Variants in GRID2 observed in about 807,000 individuals in gnomAD.
GRID2 encodes glutamate receptor ionotropic, delta-2.
GRID2 carries 33 observed loss-of-function variants against 114.8 expected under a neutral mutation model. That is an observed-to-expected ratio of 0.29 (90% CI 0.22 to 0.38). GRID2 has a LOEUF of 0.38. GRID2 is among the 10% of genes least tolerant of loss of function. The pLI is 1.00. For synonymous variants in GRID2, 505 were observed against 449.9 expected, an observed-to-expected ratio of 1.12 and a Z score of -1.55; for missense variants, 1,184 against 1,257.7, an observed-to-expected ratio of 0.94 and a Z score of 0.89.
At chr4:92,637,105 T>G (rs1731101528) in intron 2 of GRID2, among the ~76,000 whole-genome samples, 1 of 151,992 alleles carries the variant, frequency 6.6e-6, no homozygotes, top group Admixed American at 6.6e-5. Flanking sequence ...ATTACACAAA[T>G]AAGGAATTAT....
rs189437420 is a variant in GRID2, at chr4:92,719,452, C to T, written c.244+129166C>T. Reference sequence around the variant, plus strand: ...ATGCTACAATGGTTTAATTAATGATCGTTACTCTTTCATCCTCATCTTTAT... The same window carrying T: ...ATGCTACAATGGTTTAATTAATGATTGTTACTCTTTCATCCTCATCTTTAT... On this transcript the variant is annotated intron_variant, in intron 2 of 15. Transcript: ENST00000282020. Among the ~76,000 whole-genome samples, 468 of 152,226 alleles carry T rather than the reference C, an allele frequency of 3.1e-3. 1 individual carries two copies. The highest frequency in any genetic ancestry group is 4.6e-3 in the Non-Finnish European group (316 of 68,004).
intron 8 of GRID2, among the ~76,000 whole-genome samples, chr4:93,292,042 A>G (rs1753812173): frequency 6.6e-6 from 1 of 152,178 alleles, no homozygotes; most frequent in African/African-American, 2.4e-5. Flanking sequence ...GCACCATGTG[A>G]TATGATGGTG....
intron 13 of GRID2, among the ~76,000 whole-genome samples, chr4:93,588,080 A>G (rs1737723132): frequency 6.6e-6 from 1 of 152,166 alleles, no homozygotes; most frequent in Non-Finnish European, 1.5e-5. Flanking sequence ...GTAAGGTAGT[A>G]TGAAAATACC....
chr4:92,645,949 C>T (rs1338657879), intron 2 of GRID2, among the ~76,000 whole-genome samples: 1 of 151,652 alleles, frequency 6.6e-6, no homozygotes, highest in Non-Finnish European at 1.5e-5. Flanking sequence ...ATGTGAAAAA[C>T]GCATTCACTT....
intron 8 of GRID2, among the ~76,000 whole-genome samples, chr4:93,299,384 A>T (rs536910735): frequency 1.1e-4 from 17 of 152,142 alleles, no homozygotes; most frequent in Middle Eastern, 6.8e-3. Flanking sequence ...CACTTTATGA[A>T]TTCAATTTAA....
At chr4:93,211,812 C>A (rs1224768221) in intron 5 of GRID2, among the ~76,000 whole-genome samples, 1 of 152,026 alleles carries the variant, frequency 6.6e-6, no homozygotes, top group East Asian at 1.9e-4. Context: ...AGATAATGAG[C>A]AAATGTTTTC....
chr4:92,833,992 T>C (rs1294177992), intron 2 of GRID2: 1 of 152,210 alleles, frequency 6.6e-6, no homozygotes, highest in Non-Finnish European at 1.5e-5. Context: ...ATCAGATAGA[T>C]TCATGTCAAA....
chr4:92,322,401 G>T (rs956832250), intron 1 of GRID2, among the ~76,000 whole-genome samples: 1 of 151,296 alleles, frequency 6.6e-6, no homozygotes, highest in Non-Finnish European at 1.5e-5. Flanking sequence ...GACTCCTTTC[G>T]GAATAAAAAG....
At chr4:93,546,307 G>A (rs529440242) in intron 13 of GRID2, among the ~76,000 whole-genome samples, 5 of 152,190 alleles carry the variant, frequency 3.3e-5, no homozygotes, top group African/African-American at 7.2e-5. Flanking sequence ...CAAGGTGTGC[G>A]CAGTGAAAAG....
chr4:93,656,361 T>A (rs1722991697), intron 14 of GRID2, among the ~76,000 whole-genome samples: 1 of 152,050 alleles, frequency 6.6e-6, no homozygotes, highest in South Asian at 2.1e-4. Context: ...CCATAAAGTG[T>A]AAAGATTGGG....
At chr4:93,553,680 T>C (rs1279256921) in intron 13 of GRID2, among the ~76,000 whole-genome samples, 1 of 152,206 alleles carries the variant, frequency 6.6e-6, no homozygotes, top group Non-Finnish European at 1.5e-5. Context: ...TTTTAAAAGT[T>C]AATCCACAAG....
At chr4:92,939,597 T>C (rs904596460) in intron 2 of GRID2, among the ~76,000 whole-genome samples, 21 of 147,500 alleles carry the variant, frequency 1.4e-4, no homozygotes, top group African/African-American at 4.3e-4. Context: ...ATTTTGGCTT[T>C]TGTTGCCATT....
At chr4:92,970,507 G>A (rs2149170227) in intron 2 of GRID2, among the ~76,000 whole-genome samples, 2 of 151,996 alleles carry the variant, frequency 1.3e-5, no homozygotes, top group East Asian at 3.9e-4. Flanking sequence ...AGACAAAATA[G>A]CTAAAACTAA....
chr4:92,856,092 G>C (rs537009704), intron 2 of GRID2, among the ~76,000 whole-genome samples: 4 of 151,944 alleles, frequency 2.6e-5, no homozygotes, highest in African/African-American at 9.7e-5. Flanking sequence ...ATCCTTAATT[G>C]GTTATCTGTA....
chr4:93,433,898 A>G (rs1046094444), intron 10 of GRID2, among the ~76,000 whole-genome samples: 1 of 152,168 alleles, frequency 6.6e-6, no homozygotes, highest in Non-Finnish European at 1.5e-5. Context: ...TCTATGGTTT[A>G]CTGCAAAAGC....
rs1726003135 is a variant in GRID2 at position 93,685,598 on chromosome 4, GTAGT to G, written c.2360+59171_2360+59174del. Among the ~76,000 whole-genome samples, 4 of 152,204 alleles carry G rather than the reference GTAGT, an allele frequency of 2.6e-5. 1 individual carries two copies. The South Asian group carries it at 6.2e-4, about 24-fold the overall frequency. On this transcript the variant is annotated intron_variant, in intron 14 of 15. Transcript: ENST00000282020. ...AGTAGGTGCTCACTAAATGACACCAGTAGTTAGTTAGCAATGGTGATATTAGCAG... is the reference window on the plus strand; with the variant it reads ...AGTAGGTGCTCACTAAATGACACCAGTAGTTAGCAATGGTGATATTAGCAG...
At chr4:92,699,879 C>T (rs1390720523) in intron 2 of GRID2, among the ~76,000 whole-genome samples, 1 of 152,156 alleles carries the variant, frequency 6.6e-6, no homozygotes, top group Admixed American at 6.5e-5. Context: ...ATCTGATTTA[C>T]AAAAATCTGT....
intron 13 of GRID2, among the ~76,000 whole-genome samples, chr4:93,556,254 A>G (rs188647556): frequency 6.6e-6 from 1 of 152,326 alleles, no homozygotes; most frequent in African/African-American, 2.4e-5. Flanking sequence ...TAGATGGAGA[A>G]TGAGTCTGAC....
At chr4:93,766,088 T>C (rs755389000) in intron 14 of GRID2, among the ~76,000 whole-genome samples, 2 of 152,112 alleles carry the variant, frequency 1.3e-5, no homozygotes, top group African/African-American at 2.4e-5. Context: ...ACCTGCTCTG[T>C]AGGAGGCAAT....
Sources: gnomAD v4.1 joint callset for allele counts (sites outside exome capture counted in the v4.1 genomes callset) on GRCh38, gnomAD v4.1.1 for gene constraint, MANE v1.5 for transcripts, NCBI Gene and HGNC (gene_info 2026-07-23, HGNC 2026-07-21) for gene names.